Variants in PIP4P2 observed in about 807,000 individuals in gnomAD.
PIP4P2 encodes the protein type 2 phosphatidylinositol 4,5-bisphosphate 4-phosphatase.
Under a neutral mutation model 33.3 loss-of-function variants are expected in PIP4P2, and 19 were observed. The ratio of observed to expected loss-of-function variants is 0.57; its 90% CI spans 0.40 to 0.84. The LOEUF (loss-of-function observed/expected upper bound fraction) is 0.84, where lower values mean the gene tolerates loss of function less well. PIP4P2 is among the 40% of genes least tolerant of loss of function. The pLI is 0.00. For missense variants in PIP4P2, 270 were observed against 324.7 expected, an observed-to-expected ratio of 0.83 and a Z score of 1.29; for synonymous variants, 110 against 111.9, an observed-to-expected ratio of 0.98 and a Z score of 0.11.
At chr8:91,001,808 A>G (rs914825871) in intron 5 of PIP4P2, among the ~76,000 whole-genome samples, 1 of 151,898 alleles carries the variant, frequency 6.6e-6, no homozygotes, top group Non-Finnish European at 1.5e-5. Context: ...ATTTTGGCAG[A>G]TCTCAATATA....
At chr8:91,016,294 A>C (rs1281608544) in intron 4 of PIP4P2, among the ~76,000 whole-genome samples, 1 of 152,160 alleles carries the variant, frequency 6.6e-6, no homozygotes, top group Non-Finnish European at 1.5e-5. Context: ...AATATGAAAA[A>C]ACAAAATTAA....
intron 5 of PIP4P2, among the ~76,000 whole-genome samples, chr8:90,998,942 G>C (rs1811664969): frequency 6.6e-6 from 1 of 151,948 alleles, no homozygotes. Flanking sequence ...TTAAACTAAA[G>C]AGCTTTTGCA....
Position 90,994,060 on chromosome 8 carries a change from G to T in PIP4P2, c.*1617C>A, listed in dbSNP as rs1811595320. Reference sequence around the variant, plus strand: ...TACAACTAGTTAACCATTAGGAAAAGAAGTAAGATTATTTTATACCTAACA... The same window carrying T: ...TACAACTAGTTAACCATTAGGAAAATAAGTAAGATTATTTTATACCTAACA... On this transcript the variant is annotated 3_prime_UTR_variant, in exon 7 of 7. Coordinates refer to ENST00000285419, the MANE Select transcript of PIP4P2 (RefSeq NM_018710.3). 6.6e-6 allele frequency: 1 copy of T among 152,108 alleles called. No homozygotes were observed. Among genetic ancestry groups the T allele is most frequent in the Admixed American group, 6.5e-5 (1 of 15,272 alleles). 9.4% of individuals were successfully genotyped at this position (152,108 alleles called of 1,614,324 possible). A position where few individuals can be genotyped will look rare whatever the true frequency, so the allele number is the denominator to read the frequency against.
In PIP4P2 at chr8:90,996,669, A is replaced by G; in HGVS notation, c.615T>C (p.Ile205=). 1 of 1,608,978 alleles carries G rather than the reference A, an allele frequency of 6.2e-7. No homozygotes were observed. The highest frequency in any genetic ancestry group is 8.5e-7 in the Non-Finnish European group (1 of 1,177,354). Residue 205 remains isoleucine, a synonymous_variant, in exon 6 of 7, where the codon ATT becomes ATC. Transcript: ENST00000285419. The stretch of plus-strand genomic sequence containing the variant: ...TAACACTCACAGTTAACCCAACTCC[A>G]ATGAAAATACATATCATTCCAATGG... The part of the protein sequence containing the change: ...YITIGMICIF[I]GVGLTVGTPD...
At chr8:91,022,149 AC>A (rs1183702919) in intron 1 of PIP4P2, among the ~76,000 whole-genome samples, 1 of 152,176 alleles carries the variant, frequency 6.6e-6, no homozygotes, top group Non-Finnish European at 1.5e-5. Flanking sequence ...AACAACCACC[AC>A]AAAAAGAATG....
At chr8:91,036,392 CTCTTCTGGTGTTCTCCG>C (rs1812232199) in intron 1 of PIP4P2, among the ~76,000 whole-genome samples, 1 of 152,168 alleles carries the variant, frequency 6.6e-6, no homozygotes, top group Non-Finnish European at 1.5e-5. Context: ...AAACTCGGTC[CTCTTCTGGTGTTCTCCG>C]TCTTCTGGTG....
intron 4 of PIP4P2, among the ~76,000 whole-genome samples, chr8:91,014,808 G>C (rs934833668): frequency 4.3e-5 from 6 of 140,994 alleles, no homozygotes; most frequent in African/African-American, 1.5e-4. Context: ...ATAACTATAT[G>C]AGGTAATCAA....
intron 1 of PIP4P2, among the ~76,000 whole-genome samples, chr8:91,021,631 A>C (rs533959233): frequency 2.0e-5 from 3 of 152,308 alleles, no homozygotes; most frequent in African/African-American, 7.2e-5. Context: ...ATGTTTGCCT[A>C]GGTCTATCCC....
chr8:91,040,439 C>CCAT (rs1431828144), intron 1 of PIP4P2, among the ~76,000 whole-genome samples: 2 of 151,156 alleles, frequency 1.3e-5, no homozygotes, highest in Non-Finnish European at 3.0e-5. Context: ...ACCACCACCA[C>CCAT]CATCACCACC....
intron 4 of PIP4P2, among the ~76,000 whole-genome samples, chr8:91,011,092 A>G (rs1811832526): frequency 1.3e-5 from 2 of 151,644 alleles, no homozygotes; most frequent in African/African-American, 2.4e-5. Context: ...GGCAACTGGT[A>G]ACACTTTGAA....
At chr8:91,019,165 C>A (rs1041994715) in intron 3 of PIP4P2, among the ~76,000 whole-genome samples, 2 of 151,606 alleles carry the variant, frequency 1.3e-5, no homozygotes, top group Non-Finnish European at 2.9e-5. Context: ...GAATTTATTG[C>A]ACATATACAT....
chr8:90,995,725 A>C lies in PIP4P2; in HGVS notation c.726T>G (p.Cys242Trp). 6.2e-7 allele frequency: 1 copy of C among 1,613,424 alleles called. No homozygotes were observed. The highest frequency in any genetic ancestry group is 8.5e-7 in the Non-Finnish European group (1 of 1,179,590). Residue 242 changes from cysteine to tryptophan, a missense_variant, in exon 7 of 7, where the codon TGT becomes TGG. Transcript: ENST00000285419. ...LLGLICLIRA[C>W]YWGAIRVSYP... ...AACTGACTCTTATGGCTCCCCAATA[A>C]CAAGCTCGGATAAGGCAGATCAATC...
intron 2 of PIP4P2, 53 bp from the exon 3 acceptor site, chr8:91,020,316 CAA>C: frequency 6.5e-7 from 1 of 1,535,012 alleles, no homozygotes; most frequent in Non-Finnish European, 9.0e-7. Flanking sequence ...TACAGATTGT[CAA>C]AGTTTGTTTG....
At chr8:91,012,299 T>C (rs1811848625) in intron 4 of PIP4P2, among the ~76,000 whole-genome samples, 1 of 152,032 alleles carries the variant, frequency 6.6e-6, no homozygotes, top group Admixed American at 6.6e-5. Context: ...TGTATCTTTG[T>C]AACTTATCTC....
At chr8:91,023,717 T>C (rs895971168) in intron 1 of PIP4P2, among the ~76,000 whole-genome samples, 3 of 152,222 alleles carry the variant, frequency 2.0e-5, no homozygotes, top group Non-Finnish European at 4.4e-5. Context: ...GGGGCACATC[T>C]GGTTTGTCCA....
chr8:91,006,472 T>C (rs1268111870), intron 5 of PIP4P2, among the ~76,000 whole-genome samples: 2 of 152,206 alleles, frequency 1.3e-5, no homozygotes, highest in African/African-American at 4.8e-5. Context: ...TCCTTATTAG[T>C]AGTAAAAATA....
intron 5 of PIP4P2, 36 bp downstream of exon 5, chr8:91,008,707 A>G (rs1307114474): frequency 6.3e-7 from 1 of 1,594,746 alleles, no homozygotes; most frequent in Admixed American, 1.7e-5. Context: ...TGTCTCAAGT[A>G]TTTCTCAATA....
chr8:90,995,923 C>A, intron 6 of PIP4P2, 103 bp from the exon 7 acceptor site: 1 of 1,290,136 alleles, frequency 7.8e-7, no homozygotes, highest in South Asian at 1.6e-5. Flanking sequence ...AAATATACCC[C>A]CAGACCGAAT....
intron 5 of PIP4P2, 151 bp from the exon 6 acceptor site, chr8:90,996,895 G>T (rs1811636088): frequency 3.2e-6 from 2 of 629,890 alleles, no homozygotes; most frequent in South Asian, 4.5e-5. Flanking sequence ...CATTAAACAT[G>T]TCATTTTTAA....
Sources: gnomAD v4.1 joint callset for allele counts (sites outside exome capture counted in the v4.1 genomes callset) on GRCh38, gnomAD v4.1.1 for gene constraint, MANE v1.5 for transcripts, NCBI Gene and HGNC (gene_info 2026-07-23, HGNC 2026-07-21) for gene names.